The following LOXHD1 variants were observed in gnomAD, a reference collection of about 807,000 sequenced individuals.
LOXHD1 encodes lipoxygenase homology domain-containing protein 1.
LOXHD1 carries 205 observed loss-of-function variants against 248.2 expected under a neutral mutation model. The ratio of observed to expected loss-of-function variants is 0.83; its 90% confidence interval spans 0.74 to 0.93. The LOEUF is 0.93. Ranked by LOEUF, LOXHD1 falls within the 40% of genes least tolerant of loss-of-function variation. The probability of loss-of-function intolerance (pLI) is 0.00; values close to 1 mark genes in which losing one functional copy is unlikely to be tolerated. For synonymous variants in LOXHD1, 1,113 were observed against 1,162.8 expected (o/e 0.96, Z 0.87); for missense variants, 2,930 against 2,971.6 (o/e 0.99, Z 0.33).
intron 38 of LOXHD1, among the ~76,000 whole-genome samples, chr18:46,487,225 C>T (rs1282806604): frequency 4.6e-5 from 7 of 152,114 alleles, no homozygotes; most frequent in Non-Finnish European, 1.0e-4. Context: ...AGGCATGGGT[C>T]GTAGTTTGAA....
chr18:46,615,013 T>C (rs562805152), intron 5 of LOXHD1, among the ~76,000 whole-genome samples: 36 of 152,220 alleles, frequency 2.4e-4, no homozygotes, highest in Non-Finnish European at 4.1e-4. Context: ...CTCCTTGGAA[T>C]TTGGCTATAG....
chr18:46,479,115 G>T (rs1339670552), intron 40 of LOXHD1, among the ~76,000 whole-genome samples: 12 of 152,124 alleles, frequency 7.9e-5, no homozygotes, highest in Admixed American at 7.9e-4. Context: ...ACCTTTAGAG[G>T]GAGTTGCTGA....
intron 4 of LOXHD1, among the ~76,000 whole-genome samples, chr18:46,636,614 C>T (rs558226056): frequency 4.6e-5 from 7 of 152,190 alleles, no homozygotes; most frequent in Admixed American, 6.5e-5. Context: ...GAGGAACAGG[C>T]TCCCTAACAG....
intron 27 of LOXHD1, chr18:46,533,671 C>T: frequency 3.0e-6 from 1 of 336,318 alleles, no homozygotes; most frequent in East Asian, 8.8e-5. Flanking sequence ...TGCCTGTAAT[C>T]TCAGCACTTT....
chr18:46,601,211 C>T lies in LOXHD1; in HGVS notation c.1134+6G>A. The T allele has an allele frequency of 6.5e-7, 1 of 1,549,880 alleles. No homozygotes were observed. The highest frequency in any genetic ancestry group is 1.4e-5 in the African/African-American group (1 of 73,118). Reference sequence around the variant, plus strand: ...AGGGAAGGCTGTCTCTGGGGGCATCCCTTACCTTCTCACAGAACCAGCCTC... The same window carrying T: ...AGGGAAGGCTGTCTCTGGGGGCATCTCTTACCTTCTCACAGAACCAGCCTC... On this transcript the variant is annotated splice_donor_region_variant and intron_variant, in intron 8 of 40. Coordinates refer to ENST00000642948, the MANE Select transcript of LOXHD1 (RefSeq NM_001384474.1).
intron 7 of LOXHD1, among the ~76,000 whole-genome samples, chr18:46,603,541 A>G (rs747438800): frequency 4.6e-5 from 7 of 152,188 alleles, no homozygotes; most frequent in Admixed American, 3.3e-4. Flanking sequence ...CATGACTGCC[A>G]TGCTGGGAGT....
intron 33 of LOXHD1, chr18:46,520,239 TTC>T (rs947785232): frequency 1.1e-4 from 51 of 468,496 alleles, no homozygotes; most frequent in Admixed American, 4.7e-4. Context: ...AGAGCCCCAC[TTC>T]TGTTTCCATA....
chr18:46,557,541 T>C, intron 20 of LOXHD1, 52 bp from the exon 21 acceptor site: 1 of 1,549,046 alleles, frequency 6.5e-7, no homozygotes, highest in Non-Finnish European at 8.7e-7. Flanking sequence ...CCTCCCCACA[T>C]GGCCATCAGC....
At position 46,560,167 on chromosome 18, in the gene LOXHD1, C is replaced by G; in HGVS notation, c.2977G>C (p.Glu993Gln). ...MQEVIEQHKF[E>Q]AHRWLARGKE... ...CCCCGGGCCAGCCAGCGGTGGGCTT[C>G]GAACTTGTGCTGCTCAATCACCTCC... Residue 993 changes from glutamate to glutamine, a missense_variant, in exon 19 of 41, where the codon GAA (glutamate) becomes CAA (glutamine). Transcript: ENST00000642948. The G allele has an allele frequency of 6.4e-7, 1 of 1,551,276 alleles. No individual in the cohort carries two copies. Among genetic ancestry groups the G allele is most frequent in the Admixed American group, 2.0e-5 (1 of 50,946 alleles).
chr18:46,577,832 C>T lies in LOXHD1; in HGVS notation c.1845G>A (p.Arg615=). The change falls in exon 14 of 41, where the codon CGG becomes CGA. Residue 615 remains arginine (R), a synonymous_variant. Transcript: ENST00000642948. ...DEFTIESVTM[R]NVRRVRIRHD... ...GTCTGATCCTCACCCGCCTCACATT[C>T]CGCATGGTGACAGACTCGATAGTGA... 1 of 1,551,716 alleles carries T rather than the reference C, an allele frequency of 6.4e-7. No individual in the cohort carries two copies. The highest frequency in any genetic ancestry group is 1.2e-5 in the South Asian group (1 of 84,050).
At chr18:46,562,502 T>G (rs2037550362) in intron 18 of LOXHD1, among the ~76,000 whole-genome samples, 1 of 152,144 alleles carries the variant, frequency 6.6e-6, no homozygotes, top group African/African-American at 2.4e-5. Context: ...TTGAAAGACT[T>G]GGAAAGGAAG....
chr18:46,549,044 T>G (rs2036971472), intron 21 of LOXHD1, among the ~76,000 whole-genome samples: 1 of 152,130 alleles, frequency 6.6e-6, no homozygotes, highest in Non-Finnish European at 1.5e-5. Context: ...ATCCCCACAG[T>G]GCCAACAAGC....
At chr18:46,554,221 A>C (rs994841864) in intron 21 of LOXHD1, among the ~76,000 whole-genome samples, 8 of 152,160 alleles carry the variant, frequency 5.3e-5, no homozygotes, top group African/African-American at 2.4e-5. Context: ...CTTCTGATGG[A>C]AGGCCCAACA....
chr18:46,610,491 T>C (rs2038490367), intron 6 of LOXHD1, among the ~76,000 whole-genome samples: 1 of 151,982 alleles, frequency 6.6e-6, no homozygotes, highest in Admixed American at 6.5e-5. Flanking sequence ...ATGGCACATG[T>C]ATACCTATGT....
Position 46,547,052 on chromosome 18 carries a change from G to A in LOXHD1, c.3357C>T (p.Tyr1119=), listed in dbSNP as rs2143825161. The change falls in exon 22 of 41, where the codon TAC becomes TAT. Residue 1119 remains tyrosine, a synonymous_variant. Coordinates refer to ENST00000642948, the MANE Select transcript of LOXHD1 (RefSeq NM_001384474.1). ...ITDMNNEITY[Y]FPCQRWLAVE... is the part of the protein sequence containing the mutation. ...CTGCCAGCCAACGTTGGCATGGAAA[G>A]TAGTACCTGTGGGGGTGGATAGGGA... 1 of 1,551,790 alleles carries A rather than the reference G, an allele frequency of 6.4e-7. No individual in the cohort carries two copies. Among genetic ancestry groups the A allele is most frequent in the Non-Finnish European group, 8.7e-7 (1 of 1,147,016 alleles).
chr18:46,635,955 G>A (rs1258548475), intron 4 of LOXHD1, among the ~76,000 whole-genome samples: 1 of 152,184 alleles, frequency 6.6e-6, no homozygotes, highest in Non-Finnish European at 1.5e-5. Context: ...GAGTCCTGGA[G>A]ATCAGACCCA....
At chr18:46,578,160 A>T (rs536097851) in intron 13 of LOXHD1, among the ~76,000 whole-genome samples, 24 of 152,188 alleles carry the variant, frequency 1.6e-4, no homozygotes, top group Non-Finnish European at 2.8e-4. Flanking sequence ...TCATGAGCTA[A>T]TTCCTTGGCA....
At position 46,546,998 on chromosome 18, in the gene LOXHD1, C is replaced by A. The variant is rs2143823872; in HGVS notation, c.3411G>T (p.Arg1137Ser). The part of the protein sequence containing the change: ...AVEEDDGQLS[R>S]ELLPVDESYV... ...AGGACTCATCCACTGGCAACAGCTC[C>A]CTGGACAGCTGGCCATCATCTTCCT... The change falls in exon 22 of 41, where the codon AGG becomes AGT. Residue 1137 changes from arginine to serine, a missense_variant. Coordinates refer to ENST00000642948, the MANE Select transcript of LOXHD1 (RefSeq NM_001384474.1). The A allele has an allele frequency of 3.2e-6, 5 of 1,551,780 alleles. No homozygotes were observed. The highest frequency in any genetic ancestry group is 4.4e-6 in the Non-Finnish European group (5 of 1,147,020).
At chr18:46,653,940 G>A (rs1599080853) in intron 1 of LOXHD1, among the ~76,000 whole-genome samples, 1 of 152,150 alleles carries the variant, frequency 6.6e-6, no homozygotes, top group African/African-American at 2.4e-5. Flanking sequence ...GAAAAGATAG[G>A]CATTTCATAA....
Sources: allele counts gnomAD v4.1 joint callset (sites outside exome capture counted in the v4.1 genomes callset), GRCh38; gene constraint gnomAD v4.1.1; transcripts MANE v1.5; gene names NCBI Gene and HGNC (gene_info 2026-07-23, HGNC 2026-07-21).